Variants in MAP1B observed in about 807,000 individuals in gnomAD.
MAP1B encodes the protein microtubule associated protein 1B, also known as microtubule-associated protein 1B.
In MAP1B, 12 loss-of-function variants were observed where a neutral mutation model predicts 176.1. That is an observed-to-expected ratio of 0.07 (90% confidence interval 0.04 to 0.11). The LOEUF is 0.11. Ranked by LOEUF, MAP1B falls within the 10% of genes least tolerant of loss-of-function variation. MAP1B has a pLI of 1.00. For synonymous variants in MAP1B, 1,044 were observed against 1,135.0 expected, an observed-to-expected ratio of 0.92 and a Z score of 1.61; for missense variants, 2,523 against 2,990.5, an observed-to-expected ratio of 0.84 and a Z score of 3.65.
At chr5:72,172,642 GA>G (rs1312574997) in intron 2 of MAP1B, among the ~76,000 whole-genome samples, 2 of 152,182 alleles carry the variant, frequency 1.3e-5, no homozygotes, top group African/African-American at 4.8e-5. Flanking sequence ...GTGACTCCAA[GA>G]ATCAATATTT....
intron 1 of MAP1B, among the ~76,000 whole-genome samples, chr5:72,108,459 A>G (rs1308617243): frequency 1.3e-5 from 2 of 152,156 alleles, no homozygotes; most frequent in Non-Finnish European, 2.9e-5. Context: ...CAGCCTCGGG[A>G]GTGGTAGCTT....
At chr5:72,161,135 G>C (rs927286974) in intron 2 of MAP1B, among the ~76,000 whole-genome samples, 10 of 152,120 alleles carry the variant, frequency 6.6e-5, no homozygotes, top group Non-Finnish European at 1.2e-4. Flanking sequence ...AGTCAGCCAG[G>C]GTGTTTGACT....
intron 1 of MAP1B, among the ~76,000 whole-genome samples, chr5:72,111,073 T>A (rs764428076): frequency 6.6e-6 from 1 of 152,182 alleles, no homozygotes; most frequent in African/African-American, 2.4e-5. Context: ...TCGTTTTCGC[T>A]ACCACCAACT....
At chr5:72,123,630 G>A (rs1001599106) in intron 2 of MAP1B, among the ~76,000 whole-genome samples, 5 of 151,984 alleles carry the variant, frequency 3.3e-5, no homozygotes, top group South Asian at 2.1e-4. Flanking sequence ...GACTACAGGC[G>A]CCCGCCACGA....
At chr5:72,119,129 T>G (rs1207428622) in intron 2 of MAP1B, among the ~76,000 whole-genome samples, 4 of 152,326 alleles carry the variant, frequency 2.6e-5, no homozygotes, top group African/African-American at 9.6e-5. Context: ...GAGTGCTTTC[T>G]GTACACAAGG....
intron 2 of MAP1B, among the ~76,000 whole-genome samples, chr5:72,164,502 CTGA>C (rs1746390456): frequency 1.3e-5 from 2 of 152,152 alleles, no homozygotes; most frequent in Admixed American, 1.3e-4. Context: ...TAAAAAGGGG[CTGA>C]TGATGGGCTG....
chr5:72,116,206 T>C (rs1745434977), intron 2 of MAP1B, among the ~76,000 whole-genome samples: 1 of 152,180 alleles, frequency 6.6e-6, no homozygotes, highest in Non-Finnish European at 1.5e-5. Context: ...TTAATCTTAC[T>C]CAAATGAAAT....
In MAP1B at chr5:72,175,038, T is replaced by G. The variant is rs1464755197; in HGVS notation, c.287-8705T>G. Among the ~76,000 whole-genome samples, 4 of 127,732 alleles carry G rather than the reference T, an allele frequency of 3.1e-5. 1 individual carries two copies. In the Admixed American group the frequency reaches 3.2e-4, roughly 10 times the overall value. The allele number at this position is 127,732 out of a possible 152,430, so 83.8% of individuals were successfully genotyped here. A position where few individuals can be genotyped will look rare whatever the true frequency, so the allele number is the denominator to read the frequency against. ...CCCTTCCTTCCCTCCCTCCCTCCCT[T>G]CCCTCCCTCCCTCCTTCCTTCTATC... On this transcript the variant is annotated intron_variant, in intron 2 of 6. Transcript: ENST00000296755.
chr5:72,129,655 G>A (rs569599827), intron 2 of MAP1B, among the ~76,000 whole-genome samples: 7 of 151,608 alleles, frequency 4.6e-5, no homozygotes, highest in African/African-American at 1.2e-4. Context: ...TATCCCTCAC[G>A]CGTTTTCCCC....
In MAP1B at chr5:72,198,384, C is replaced by T; in HGVS notation, c.5029C>T (p.Leu1677Phe). ...TCACCCTACAGTGGGTGCAGGCGTG[C>T]TTCACATCACTGAAAATGGGCCAAC... ...PDHPTVGAGV[L>F]HITENGPTEV... The change falls in exon 5 of 7, where the codon CTT becomes TTT. Residue 1677 changes from leucine to phenylalanine, a missense_variant. Physicochemically the swap from Leu to Phe is conservative, Grantham distance 22. Coordinates refer to ENST00000296755, the MANE Select transcript of MAP1B (RefSeq NM_005909.5). 6.2e-7 allele frequency: 1 copy of T among 1,614,124 alleles called. No homozygotes were observed. Among genetic ancestry groups the T allele is most frequent in the Non-Finnish European group, 8.5e-7 (1 of 1,179,996 alleles).
At chr5:72,133,806 A>G (rs1036635521) in intron 2 of MAP1B, among the ~76,000 whole-genome samples, 3 of 152,240 alleles carry the variant, frequency 2.0e-5, no homozygotes, top group African/African-American at 7.2e-5. Flanking sequence ...CAGTGTTCAA[A>G]CCAACTGTAC....
At chr5:72,144,955 T>C (rs1358656546) in intron 2 of MAP1B, among the ~76,000 whole-genome samples, 14 of 152,182 alleles carry the variant, frequency 9.2e-5, no homozygotes. Flanking sequence ...GAGACTGTTG[T>C]TGCTTGTGTG....
At chr5:72,163,194 C>T (rs569980162) in intron 2 of MAP1B, among the ~76,000 whole-genome samples, 67 of 130,524 alleles carry the variant, frequency 5.1e-4, no homozygotes, top group African/African-American at 1.8e-3. Flanking sequence ...CGCCACTGAA[C>T]TCCAGCCTGG....
chr5:72,203,572 C>G lies in MAP1B; in HGVS notation c.7022C>G (p.Thr2341Ser). ...SAKTATAGPG[T>S]TKTTKSSAVP... ...TGTTTATTTACCCAAGGACCAGGAA[C>G]TACCAAGACGACCAAGTCATCTGCT... is the stretch of plus-strand genomic sequence containing the variant. The change falls in exon 6 of 7, where the codon ACT becomes AGT. Residue 2341 changes from threonine (T) to serine (S), a missense_variant. By Grantham distance (58) the Thr-to-Ser change is moderately conservative (BLOSUM62 1). Around this residue, in one of 4 missense-constraint regions of MAP1B, gnomAD observed 287 missense variants for 401.5 expected, o/e 0.71. Coordinates refer to ENST00000296755, the MANE Select transcript of MAP1B (RefSeq NM_005909.5). The G allele has an allele frequency of 6.2e-7, 1 of 1,613,676 alleles. No homozygotes were observed. The highest frequency in any genetic ancestry group is 8.5e-7 in the Non-Finnish European group (1 of 1,179,562).
chr5:72,120,922 A>G (rs1399085180), intron 2 of MAP1B, among the ~76,000 whole-genome samples: 1 of 152,140 alleles, frequency 6.6e-6, no homozygotes, highest in East Asian at 1.9e-4. Context: ...TTTTGTAGTA[A>G]TTTTAAATTT....
In MAP1B at chr5:72,197,242, C is replaced by T. The variant is rs34093016; in HGVS notation, c.3887C>T (p.Pro1296Leu). 3,556 of 1,614,174 alleles carry T rather than the reference C, an allele frequency of 2.2e-3. 61 individuals are homozygous for T. The African/African-American group carries it at 0.04, about 18-fold the overall frequency. The change falls in exon 5 of 7, where the codon CCG (proline) becomes CTG (leucine). Residue 1296 changes from proline (P) to leucine (L), a missense_variant. Coordinates refer to ENST00000296755, the MANE Select transcript of MAP1B (RefSeq NM_005909.5). Reference sequence around the variant, plus strand: ...GTCTCTGCAGAGGCAGAAGTAGCCCCGGTGTCTCCTGAGGTGACCCAAGAA... The same window carrying T: ...GTCTCTGCAGAGGCAGAAGTAGCCCTGGTGTCTCCTGAGGTGACCCAAGAA... ...IKVSAEAEVA[P>L]VSPEVTQEVV...
intron 2 of MAP1B, among the ~76,000 whole-genome samples, chr5:72,137,194 C>A (rs1034306668): frequency 2.0e-5 from 3 of 152,170 alleles, no homozygotes; most frequent in Non-Finnish European, 2.9e-5. Context: ...GCATGTCAGA[C>A]CATTTGCTGA....
intron 2 of MAP1B, among the ~76,000 whole-genome samples, chr5:72,164,463 G>A (rs1235413369): frequency 6.6e-6 from 1 of 152,142 alleles, no homozygotes; most frequent in African/African-American, 2.4e-5. Flanking sequence ...ACACTAATTT[G>A]GCTATTCTCT....
At chr5:72,148,247 C>G (rs1301791603) in intron 2 of MAP1B, among the ~76,000 whole-genome samples, 1 of 152,090 alleles carries the variant, frequency 6.6e-6, no homozygotes, top group Non-Finnish European at 1.5e-5. Flanking sequence ...AAAATTTCAC[C>G]CTGAGGCTGC....
Sources: gnomAD v4.1 joint callset for allele counts (sites outside exome capture counted in the v4.1 genomes callset) on GRCh38, gnomAD v4.1.1 for gene constraint, gnomAD v4.1.1 regional missense constraint, MANE v1.5 for transcripts, NCBI Gene and HGNC (gene_info 2026-07-23, HGNC 2026-07-21) for gene names.